The following POMT2 variants were observed in gnomAD, a reference collection of about 807,000 sequenced individuals.
POMT2 encodes protein O-mannosyl-transferase 2.
A neutral mutation model predicts 100.0 loss-of-function variants in POMT2; 75 were observed. The ratio of observed to expected loss-of-function variants is 0.75; its 90% CI spans 0.62 to 0.91. POMT2 has a LOEUF of 0.91. Ranked by LOEUF, POMT2 falls within the 40% of genes least tolerant of loss-of-function variation. The probability of loss-of-function intolerance (pLI) is 0.00; values close to 1 mark genes in which losing one functional copy is unlikely to be tolerated. For synonymous variants in POMT2, 378 were observed against 374.1 expected, an observed-to-expected ratio of 1.01 and a Z score of -0.12; for missense variants, 940 against 955.1, an observed-to-expected ratio of 0.98 and a Z score of 0.21.
intron 4 of POMT2, 149 bp downstream of exon 4, chr14:77,304,543 G>C: frequency 7.7e-7 from 1 of 1,295,202 alleles, no homozygotes; most frequent in Non-Finnish European, 1.1e-6. Context: ...AGTATTACTA[G>C]TGAATGAGAT....
rs774402115 is a variant in POMT2, at chr14:77,312,052, G to A, written c.249-19C>T. The stretch of plus-strand genomic sequence containing the variant: ...ATCCCAACTAAAGGAAACACAGAAA[G>A]AGAAACAAGAATTTTAAAATTATCA... On this transcript the variant is annotated intron_variant, in intron 1 of 20. Coordinates refer to ENST00000261534, the MANE Select transcript of POMT2 (RefSeq NM_013382.7). 6 of 1,612,726 alleles carry A rather than the reference G, an allele frequency of 3.7e-6. No homozygotes were observed. In the African/African-American group the frequency reaches 5.3e-5, roughly 14 times the overall value.
chr14:77,318,628 A>C (rs1003146299), intron 1 of POMT2, among the ~76,000 whole-genome samples: 1 of 152,208 alleles, frequency 6.6e-6, no homozygotes, highest in Non-Finnish European at 1.5e-5. Context: ...TGGTGATCCA[A>C]ATAAAAATCT....
intron 11 of POMT2, among the ~76,000 whole-genome samples, chr14:77,288,334 C>T (rs1197578798): frequency 6.6e-6 from 1 of 152,194 alleles, no homozygotes; most frequent in East Asian, 1.9e-4. Context: ...GCCATATTCT[C>T]AGAAACAGAC....
intron 4 of POMT2, 48 bp from the exon 5 acceptor site, chr14:77,302,991 C>T (rs749559133): frequency 1.4e-6 from 2 of 1,408,338 alleles, no homozygotes; most frequent in Non-Finnish European, 2.0e-6. Context: ...AGAGAAGGGC[C>T]CCCTGAAAAC....
intron 1 of POMT2, among the ~76,000 whole-genome samples, chr14:77,312,895 C>G (rs1891491457): frequency 6.6e-6 from 1 of 152,206 alleles, no homozygotes; most frequent in African/African-American, 2.4e-5. Flanking sequence ...TGATCTTATA[C>G]TAACTAGTAT....
At chr14:77,281,016 C>T (rs1263889013) in intron 15 of POMT2, among the ~76,000 whole-genome samples, 2 of 152,026 alleles carry the variant, frequency 1.3e-5, no homozygotes, top group African/African-American at 2.4e-5. Context: ...ACCACTTGAA[C>T]CCAAGAGGCG....
intron 5 of POMT2, 107 bp from the exon 6 acceptor site, chr14:77,301,356 CCT>C (rs1891035033): frequency 2.7e-6 from 4 of 1,458,264 alleles, no homozygotes; most frequent in African/African-American, 1.4e-5. Context: ...TGTGCTGTGC[CCT>C]GTCTTGGGGG....
Position 77,278,739 on chromosome 14 carries a change from G to T in POMT2, c.2022C>A (p.Ser674Arg). The T allele has an allele frequency of 6.2e-7, 1 of 1,613,942 alleles. No homozygotes were observed. ...GTGGGTGGCACTGACCTGTCAACAT[G>T]CTTGAGAAGAGCATGGCTGGGAAGT... Reference protein sequence around the residue: ...HHYFPAMLFSSMLTGILWDTL... With the variant: ...HHYFPAMLFSRMLTGILWDTL... The change falls in exon 19 of 21, where the codon AGC (serine) becomes AGA (arginine). Residue 674 changes from serine to arginine, a missense_variant. Ser to Arg is a moderately radical substitution (Grantham distance 110). Transcript: ENST00000261534.
intron 20 of POMT2, 146 bp downstream of exon 20, chr14:77,278,248 G>A (rs543765901): frequency 2.1e-5 from 15 of 716,824 alleles, no homozygotes; most frequent in East Asian, 1.1e-4. Context: ...TGGAAACCAC[G>A]GCCCCACCTG....
chr14:77,302,936 T>A lies in POMT2; in HGVS notation c.555A>T (p.Gly185=). 6.2e-7 allele frequency: 1 copy of A among 1,611,896 alleles called. No homozygotes were observed. The highest frequency in any genetic ancestry group is 1.1e-5 in the South Asian group (1 of 90,816). The change falls in exon 5 of 21, where the codon GGA becomes GGT. Residue 185 remains glycine (G), a synonymous_variant. Coordinates refer to ENST00000261534, the MANE Select transcript of POMT2 (RefSeq NM_013382.7). ...GGATGTACTGGGACAGAGTGAGGCATCCCGTGTCTGAAAAACATGAGCTCG... is the reference window on the plus strand; with the variant it reads ...GGATGTACTGGGACAGAGTGAGGCAACCCGTGTCTGAAAAACATGAGCTCG... The part of the protein sequence containing the change: ...LTAALLTFDT[G]CLTLSQYILL...
intron 1 of POMT2, among the ~76,000 whole-genome samples, chr14:77,319,980 C>T (rs1200158662): frequency 6.6e-6 from 1 of 152,146 alleles, no homozygotes; most frequent in Non-Finnish European, 1.5e-5. Flanking sequence ...ATCCTTTGGT[C>T]ACCATACCTG....
At chr14:77,296,686 C>G (rs370649211) in intron 8 of POMT2, among the ~76,000 whole-genome samples, 1 of 152,116 alleles carries the variant, frequency 6.6e-6, no homozygotes, top group African/African-American at 2.4e-5. Flanking sequence ...TCCTTTCGTG[C>G]CTTTTGAATC....
intron 10 of POMT2, among the ~76,000 whole-genome samples, chr14:77,289,743 G>A (rs947588508): frequency 3.9e-5 from 6 of 152,178 alleles, no homozygotes; most frequent in African/African-American, 1.2e-4. Flanking sequence ...GGTGAATAAT[G>A]ATGAAATGAT....
intron 9 of POMT2, 59 bp from the exon 10 acceptor site, chr14:77,291,439 C>T: frequency 6.3e-7 from 1 of 1,579,030 alleles, no homozygotes; most frequent in Non-Finnish European, 8.6e-7. Context: ...CCATCACTAT[C>T]AGCACAGCTG....
chr14:77,320,595 T>C lies in POMT2; in HGVS notation c.87A>G (p.Ala29=), dbSNP rs794726937. 6 of 1,584,256 alleles carry C rather than the reference T, an allele frequency of 3.8e-6. No homozygotes were observed. The highest frequency in any genetic ancestry group is 5.1e-6 in the Non-Finnish European group (6 of 1,172,752). Residue 29 remains alanine, a synonymous_variant, in exon 1 of 21, where the codon GCA becomes GCG. Coordinates refer to ENST00000261534, the MANE Select transcript of POMT2 (RefSeq NM_013382.7). The part of the protein sequence containing the change: ...GRCGPQAARA[A]GRDVAAEAVA... Reference sequence around the variant, plus strand: ...CAGCCTCAGCGGCCACGTCCCGGCCTGCGGCCCTAGCAGCCTGGGGGCCAC... The same window carrying C: ...CAGCCTCAGCGGCCACGTCCCGGCCCGCGGCCCTAGCAGCCTGGGGGCCAC...
chr14:77,301,934 G>A (rs907646909), intron 5 of POMT2, among the ~76,000 whole-genome samples: 1 of 152,188 alleles, frequency 6.6e-6, no homozygotes, highest in Non-Finnish European at 1.5e-5. Context: ...CTGCCAGAGT[G>A]AATATTCCTT....
At position 77,276,616 on chromosome 14, in the gene POMT2, CCCGAGTGT is replaced by C; in HGVS notation, c.*752_*759del. ...CAGCCCAGGATAGGACATCGTTCCT[CCCGAGTGT>C]CACAGTGTGACAATCCCAAAAAACG... On this transcript the variant is annotated 3_prime_UTR_variant, in exon 21 of 21. Coordinates refer to ENST00000261534, the MANE Select transcript of POMT2 (RefSeq NM_013382.7). 6.5e-6 allele frequency: 1 copy of C among 152,746 alleles called. No individual in the cohort carries two copies. The highest frequency in any genetic ancestry group is 6.5e-5 in the Admixed American group (1 of 15,348). The allele number at this position is 152,746 out of a possible 1,614,324, so 9.5% of individuals were successfully genotyped here.
At chr14:77,291,112 T>C (rs1890624556) in intron 10 of POMT2, among the ~76,000 whole-genome samples, 1 of 152,132 alleles carries the variant, frequency 6.6e-6, no homozygotes, top group South Asian at 2.1e-4. Context: ...TGCTCAATGC[T>C]TATCCCCTAT....
At chr14:77,277,537 G>T (rs1371897455) in intron 20 of POMT2, 56 bp from the exon 21 acceptor site, 20 of 1,327,474 alleles carry the variant, frequency 1.5e-5, no homozygotes, top group Non-Finnish European at 2.2e-5. Context: ...CAGCTGAGGG[G>T]CTTTGAATTC....
Sources: allele counts gnomAD v4.1 joint callset (sites outside exome capture counted in the v4.1 genomes callset), GRCh38; gene constraint gnomAD v4.1.1; transcripts MANE v1.5; gene names NCBI Gene and HGNC (gene_info 2026-07-23, HGNC 2026-07-21).